Variants in CTBP2 observed in about 807,000 individuals in gnomAD.
CTBP2 encodes the protein C-terminal binding protein 2, also known as C-terminal-binding protein 2.
In CTBP2, 30 loss-of-function variants were observed where a neutral mutation model predicts 80.3. That is an observed-to-expected ratio of 0.37 (90% confidence interval 0.28 to 0.51). The LOEUF (loss-of-function observed/expected upper bound fraction) is 0.51. Ranked by LOEUF, CTBP2 falls within the 20% of genes least tolerant of loss-of-function variation. CTBP2 has a pLI of 0.93. For missense variants in CTBP2, 1,212 were observed against 1,375.3 expected (o/e 0.88, Z 1.88); for synonymous variants, 594 against 587.4 (o/e 1.01, Z -0.16).
In CTBP2 at chr10:124,988,670, GAAGAA is replaced by G. The variant is rs75066758; in HGVS notation, c.*843_*847del. 54,640 of 151,950 alleles carry G rather than the reference GAAGAA, an allele frequency of 0.36. 11,219 individuals carry two copies. The highest frequency in any genetic ancestry group is 0.73 in the East Asian group (3,720 of 5,122). The allele number at this position is 151,950 out of a possible 1,614,324, so 9.4% of individuals were successfully genotyped here. ...AGTGTTCTTGTATAAAATATCACGT[GAAGAA>G]AAGAAGACTTTATCAATGTCTAAAA... On this transcript the variant is annotated 3_prime_UTR_variant, in exon 9 of 9. Transcript: ENST00000309035.
intron 1 of CTBP2, among the ~76,000 whole-genome samples, chr10:125,023,515 C>CAT (rs1250943413): frequency 1.3e-5 from 2 of 152,220 alleles, no homozygotes; most frequent in Non-Finnish European, 1.5e-5. Flanking sequence ...CGACTTGTGC[C>CAT]ATAGCCGGCC....
At chr10:125,142,943 G>A (rs781441785) in intron 1 of CTBP2, among the ~76,000 whole-genome samples, 20 of 152,128 alleles carry the variant, frequency 1.3e-4, no homozygotes, top group Admixed American at 3.9e-4. Context: ...GAAAGGACAC[G>A]CGAGCTTGAA....
In CTBP2 at chr10:124,987,297, G is replaced by GTTC. The variant is rs1180143663; in HGVS notation, c.*2218_*2220dup. 1 of 152,326 alleles carries GTTC rather than the reference G, an allele frequency of 6.6e-6. No homozygotes were observed. Among genetic ancestry groups the GTTC allele is most frequent in the Non-Finnish European group, 1.5e-5 (1 of 68,004 alleles). The allele number at this position is 152,326 out of a possible 1,614,324, so 9.4% of individuals were successfully genotyped here. On this transcript the variant is annotated 3_prime_UTR_variant, in exon 9 of 9. Coordinates refer to ENST00000309035, the MANE Select transcript of CTBP2 (RefSeq NM_022802.3). ...ATACCTGCACTCTGTGGACTTGATG[G>GTTC]TTCTTTTTCTAGAGCAAACAGAGCG...
intron 1 of CTBP2, among the ~76,000 whole-genome samples, chr10:125,112,263 C>T (rs528572071): frequency 1.3e-5 from 2 of 151,786 alleles, no homozygotes; most frequent in East Asian, 3.9e-4. Context: ...CAGGCGCCTG[C>T]CACCACACCT....
rs1214515506 is a variant in CTBP2, at chr10:125,078,279, CAAA to C, written c.-102+32708_-102+32710del. On this transcript the variant is annotated intron_variant, in intron 2 of 10. Transcript: ENST00000337195. ...TGGGCGACAGAGCGAGACTCCGTCT[CAAA>C]AAAAAAAAAAAAAAAAAACCTTTCT... Among the ~76,000 whole-genome samples the C allele has an allele frequency of 6.5e-3, 523 of 80,108 alleles. 6 individuals are homozygous for C. The highest frequency in any genetic ancestry group is 0.021 in the African/African-American group (482 of 22,938). 52.6% of individuals were successfully genotyped at this position (80,108 alleles called of 152,430 possible).
chr10:124,993,520 G>A (rs369764501), intron 6 of CTBP2, among the ~76,000 whole-genome samples, 191 bp from the exon 9 acceptor site: 15 of 152,146 alleles, frequency 9.9e-5, no homozygotes, highest in African/African-American at 2.2e-4. Flanking sequence ...TGTAAGAACC[G>A]TATAATTGGT....
intron 2 of CTBP2, among the ~76,000 whole-genome samples, chr10:125,094,228 A>T (rs940966404): frequency 6.6e-6 from 1 of 152,206 alleles, no homozygotes; most frequent in Non-Finnish European, 1.5e-5. Flanking sequence ...TCAGACAGCC[A>T]AGTGTCAATG....
At position 125,047,092 on chromosome 10, in the gene CTBP2, T is replaced by C. The variant is rs117719868; in HGVS notation, c.-101-7937A>G. ...GGATTTTCACACAGTTTAAAAGAAC[T>C]TGTCTTCCAAATATGCCTTAAAAAT... On this transcript the variant is annotated intron_variant, in intron 2 of 10. Transcript: ENST00000337195. Among the ~76,000 whole-genome samples, 9 of 152,346 alleles carry C rather than the reference T, an allele frequency of 5.9e-5. No individual in the cohort carries two copies. In the East Asian group the frequency reaches 1.7e-3, roughly 29 times the overall value.
At chr10:125,016,806 A>G (rs1956541217) in intron 1 of CTBP2, among the ~76,000 whole-genome samples, 1 of 152,228 alleles carries the variant, frequency 6.6e-6, no homozygotes. Flanking sequence ...AGTAACTTCT[A>G]CAGCATCCCA....
chr10:125,091,778 C>CA (rs1471751241), intron 2 of CTBP2, among the ~76,000 whole-genome samples: 6 of 151,924 alleles, frequency 3.9e-5, no homozygotes, highest in Non-Finnish European at 7.4e-5. Flanking sequence ...TGGAAAAAAA[C>CA]AAAAAAACCC....
chr10:124,993,126 A>AG, intron 7 of CTBP2, 76 bp downstream of exon 9: 1 of 1,519,290 alleles, frequency 6.6e-7, no homozygotes, highest in Admixed American at 2.1e-5. Context: ...AGCTGCCTGT[A>AG]GCCAGCAGGA....
rs182040430 is a variant in CTBP2 at position 125,090,997 on chromosome 10, C to A, written c.-102+19993G>T. Among the ~76,000 whole-genome samples the A allele has an allele frequency of 4.2e-3, 642 of 152,306 alleles. 3 individuals carry two copies. Among genetic ancestry groups the A allele is most frequent in the African/African-American group, 0.013 (541 of 41,554 alleles). Reference sequence around the variant, plus strand: ...CAGCCATTTTCCCAATGCCACACAGCTACCAAAGGCAGAGGCAGGAATTGA... The same window carrying A: ...CAGCCATTTTCCCAATGCCACACAGATACCAAAGGCAGAGGCAGGAATTGA... On this transcript the variant is annotated intron_variant, in intron 2 of 10. Coordinates refer to the CTBP2 transcript ENST00000337195.
intron 1 of CTBP2, among the ~76,000 whole-genome samples, chr10:125,023,929 G>A (rs1024743726): frequency 2.6e-5 from 4 of 152,176 alleles, no homozygotes; most frequent in African/African-American, 7.2e-5. Context: ...TTGTCCCTCC[G>A]ATGGGAGGGA....
intron 1 of CTBP2, among the ~76,000 whole-genome samples, chr10:125,008,632 G>A (rs1055122820): frequency 6.6e-6 from 1 of 152,240 alleles, no homozygotes; most frequent in African/African-American, 2.4e-5. Flanking sequence ...CAAAGATCCC[G>A]ACAGAAGGTG....
At chr10:125,047,017 A>T (rs1961426223) in intron 2 of CTBP2, among the ~76,000 whole-genome samples, 1 of 152,244 alleles carries the variant, frequency 6.6e-6, no homozygotes, top group Admixed American at 6.5e-5. Flanking sequence ...CATAATGGAA[A>T]TTAAGTGTTG....
chr10:125,030,068 A>G (rs1268479339), upstream of CTBP2, among the ~76,000 whole-genome samples: 1 of 151,976 alleles, frequency 6.6e-6, no homozygotes, highest in African/African-American at 2.4e-5. Flanking sequence ...GACAAATATT[A>G]TGACAGATGT....
rs903718621 is a variant in CTBP2, at chr10:124,988,445, G to A, written c.*1073C>T. 2.0e-5 allele frequency: 3 copies of A among 152,594 alleles called. No homozygotes were observed. Among genetic ancestry groups the A allele is most frequent in the Non-Finnish European group, 4.4e-5 (3 of 68,022 alleles). The allele number at this position is 152,594 out of a possible 1,614,324, so 9.5% of individuals were successfully genotyped here. ...ACTAAAACAAAACATACTTCTGATA[G>A]CCATTATTTTTCTGTTTGGGACAAT... is the stretch of plus-strand genomic sequence containing the variant. On this transcript the variant is annotated 3_prime_UTR_variant, in exon 9 of 9. Coordinates refer to ENST00000309035, the MANE Select transcript of CTBP2 (RefSeq NM_022802.3).
intron 2 of CTBP2, among the ~76,000 whole-genome samples, chr10:125,098,823 C>A (rs1199638806): frequency 6.7e-6 from 1 of 150,218 alleles, no homozygotes; most frequent in Non-Finnish European, 1.5e-5. Context: ...GAGCTGCCCA[C>A]CCTGTGCTAC....
At chr10:125,140,789 C>T (rs1051760464) in intron 1 of CTBP2, among the ~76,000 whole-genome samples, 3 of 152,114 alleles carry the variant, frequency 2.0e-5, no homozygotes, top group African/African-American at 7.2e-5. Flanking sequence ...CACCACTGCA[C>T]TGCAGCATGG....
Sources: allele counts gnomAD v4.1 joint callset (sites outside exome capture counted in the v4.1 genomes callset), GRCh38; gene constraint gnomAD v4.1.1; transcripts MANE v1.5; gene names NCBI Gene and HGNC (gene_info 2026-07-23, HGNC 2026-07-21).